The following SORCS1 variants were observed in gnomAD, a reference collection of about 807,000 sequenced individuals.
SORCS1 encodes VPS10 domain-containing receptor SorCS1.
A neutral mutation model predicts 146.1 loss-of-function variants in SORCS1; 60 were observed. That is an observed-to-expected ratio of 0.41 (90% CI 0.33 to 0.51). The LOEUF is 0.51. SORCS1 is among the 20% of genes least tolerant of loss of function. The pLI, the probability that SORCS1 is intolerant of heterozygous loss-of-function variation, is 0.21. For synonymous variants in SORCS1, 637 were observed against 584.0 expected (o/e 1.09, Z -1.31); for missense variants, 1,352 against 1,487.6 (o/e 0.91, Z 1.50).
chr10:106,709,825 T>C (rs1004654156), intron 6 of SORCS1, among the ~76,000 whole-genome samples: 1 of 152,182 alleles, frequency 6.6e-6, no homozygotes, highest in East Asian at 1.9e-4. Flanking sequence ...ATTTAAATTA[T>C]TATCATTATT....
At chr10:106,901,343 AAG>A (rs1324578717) in intron 2 of SORCS1, among the ~76,000 whole-genome samples, 1 of 152,230 alleles carries the variant, frequency 6.6e-6, no homozygotes, top group Non-Finnish European at 1.5e-5. Flanking sequence ...AAAGCTACGT[AAG>A]AGACAGAAAT....
intron 1 of SORCS1, among the ~76,000 whole-genome samples, chr10:107,111,142 A>G (rs531233098): frequency 1.3e-5 from 2 of 152,346 alleles, no homozygotes; most frequent in South Asian, 4.1e-4. Context: ...ATAGCCATCA[A>G]TGCAAGGCTA....
chr10:107,088,075 C>T lies in SORCS1; in HGVS notation c.558+75894G>A, dbSNP rs552212176. 2.1e-4 allele frequency among the ~76,000 whole-genome samples: 31 copies of T among 150,478 alleles called. No individual in the cohort carries two copies. In the South Asian group the frequency reaches 4.8e-3, roughly 24 times the overall value. The stretch of plus-strand genomic sequence containing the variant: ...CTGGGACTACAGGCACCCACCACCA[C>T]GCCTGGCTAGTTTTTTGTATTTTTA... On this transcript the variant is annotated intron_variant, in intron 1 of 25. Coordinates refer to ENST00000263054, the MANE Select transcript of SORCS1 (RefSeq NM_052918.5).
chr10:107,178,251 G>A, the SORCS1 span, among the ~76,000 whole-genome samples: 1 of 152,086 alleles, frequency 6.6e-6, no homozygotes, highest in Non-Finnish European at 1.5e-5. Flanking sequence ...CTCCTGTGTA[G>A]CTGTATATTT....
rs951330250 is a variant in SORCS1, at chr10:106,581,340, C to T, written c.3266-1866G>A. 5.3e-5 allele frequency among the ~76,000 whole-genome samples: 8 copies of T among 151,756 alleles called. No homozygotes were observed. The East Asian group carries it at 9.7e-4, about 18-fold the overall frequency. ...TCATACATACACACACACACACACA[C>T]ACACACACACACACACACACTTTCT... On this transcript the variant is annotated intron_variant, in intron 24 of 25. Transcript: ENST00000263054.
chr10:106,687,189 T>G (rs1207131968), intron 10 of SORCS1, among the ~76,000 whole-genome samples: 1 of 152,198 alleles, frequency 6.6e-6, no homozygotes, highest in East Asian at 1.9e-4. Context: ...TCAGAGCTAC[T>G]AAGAGGAATA....
At chr10:107,146,132 T>G (rs940082891) in intron 1 of SORCS1, among the ~76,000 whole-genome samples, 1 of 152,176 alleles carries the variant, frequency 6.6e-6, no homozygotes. Context: ...CAGGTATAAG[T>G]ATAGCTTATG....
At chr10:106,959,165 G>A (rs7097198) in intron 1 of SORCS1, among the ~76,000 whole-genome samples, 7,419 of 152,138 alleles carry the variant, frequency 0.049, 520 homozygotes, top group African/African-American at 0.15. Flanking sequence ...CAGGGCAGGC[G>A]GGCAGGGAGG....
At chr10:106,581,079 G>A (rs189366782) in intron 24 of SORCS1, among the ~76,000 whole-genome samples, 8 of 152,200 alleles carry the variant, frequency 5.3e-5, no homozygotes, top group East Asian at 3.9e-4. Flanking sequence ...CAATGCCATC[G>A]GCAGAGAGGT....
At chr10:106,753,732 T>C (rs1224373170) in intron 5 of SORCS1, among the ~76,000 whole-genome samples, 1 of 150,828 alleles carries the variant, frequency 6.6e-6, no homozygotes, top group Non-Finnish European at 1.5e-5. Context: ...GCCCAGTGGA[T>C]ATGGATAAAG....
chr10:107,051,796 T>G (rs2134054198), intron 1 of SORCS1, among the ~76,000 whole-genome samples: 1 of 152,310 alleles, frequency 6.6e-6, no homozygotes, highest in East Asian at 1.9e-4. Context: ...AGTGAGTTGT[T>G]TAAGACACGC....
chr10:107,004,678 C>G (rs1957366877), intron 1 of SORCS1, among the ~76,000 whole-genome samples: 3 of 152,026 alleles, frequency 2.0e-5, no homozygotes, highest in African/African-American at 7.2e-5. Context: ...CTGATTAAAC[C>G]TCGTGATTTA....
rs563511704 is a variant in SORCS1, at chr10:106,670,696, A to ATT, written c.2189+539_2189+540dup. Among the ~76,000 whole-genome samples, 434 of 132,006 alleles carry ATT rather than the reference A, an allele frequency of 3.3e-3. 3 individuals are homozygous for ATT. Among genetic ancestry groups the ATT allele is most frequent in the East Asian group, 0.019 (89 of 4,566 alleles). The allele number at this position is 132,006 out of a possible 152,430, so 86.6% of individuals were successfully genotyped here. A position where few individuals can be genotyped will look rare whatever the true frequency, so the allele number is the denominator to read the frequency against. ...GAAGCAGCACAGAAAGAATCTGCCC[A>ATT]TTTTTTTTTTTTTTTTTTGAGATAG... On this transcript the variant is annotated intron_variant, in intron 16 of 25. Coordinates refer to ENST00000263054, the MANE Select transcript of SORCS1 (RefSeq NM_052918.5).
At chr10:106,822,218 A>G (rs1453717206) in intron 3 of SORCS1, among the ~76,000 whole-genome samples, 1 of 152,180 alleles carries the variant, frequency 6.6e-6, no homozygotes, top group Non-Finnish European at 1.5e-5. Context: ...GTGTAGTTTT[A>G]TTAGCATTTT....
At chr10:106,673,260 T>C (rs1851747694) in intron 14 of SORCS1, among the ~76,000 whole-genome samples, 1 of 151,878 alleles carries the variant, frequency 6.6e-6, no homozygotes, top group Non-Finnish European at 1.5e-5. Flanking sequence ...GCCTCCCGAC[T>C]AGCTGGGATT....
At chr10:107,078,606 A>T (rs1963078273) in intron 1 of SORCS1, among the ~76,000 whole-genome samples, 1 of 152,000 alleles carries the variant, frequency 6.6e-6, no homozygotes, top group Admixed American at 6.6e-5. Context: ...TCAGTATCAG[A>T]TCTTCTTTTC....
At chr10:106,791,601 A>C (rs2136520477) in intron 3 of SORCS1, among the ~76,000 whole-genome samples, 1 of 152,302 alleles carries the variant, frequency 6.6e-6, no homozygotes, top group African/African-American at 2.4e-5. Context: ...CAGGAGGCTA[A>C]GGCAGGAGAA....
chr10:106,697,538 T>G (rs989033698), intron 9 of SORCS1, among the ~76,000 whole-genome samples: 8 of 152,082 alleles, frequency 5.3e-5, no homozygotes, highest in Admixed American at 2.0e-4. Context: ...TATGGGAAGA[T>G]GTAGGAATCC....
rs1957282891 is a variant in SORCS1 at position 107,003,077 on chromosome 10, G to C, written c.559-46497C>G. On this transcript the variant is annotated intron_variant, in intron 1 of 25. Coordinates refer to ENST00000263054, the MANE Select transcript of SORCS1 (RefSeq NM_052918.5). Reference sequence around the variant, plus strand: ...TCGAGACCAGCCTGGCCAACATGGTGAAACCTGTCTCTACTAAAAGTACAA... The same window carrying C: ...TCGAGACCAGCCTGGCCAACATGGTCAAACCTGTCTCTACTAAAAGTACAA... Among the ~76,000 whole-genome samples, 2 of 152,090 alleles carry C rather than the reference G, an allele frequency of 1.3e-5. 1 individual carries two copies. The highest frequency in any genetic ancestry group is 4.8e-5 in the African/African-American group (2 of 41,404).
Sources: gnomAD v4.1 joint callset for allele counts (sites outside exome capture counted in the v4.1 genomes callset) on GRCh38, gnomAD v4.1.1 for gene constraint, MANE v1.5 for transcripts, NCBI Gene and HGNC (gene_info 2026-07-23, HGNC 2026-07-21) for gene names.